DPYSL5: variants seen among roughly 807,000 people sequenced by gnomAD.
The protein encoded by DPYSL5 is dihydropyrimidinase like 5.
In DPYSL5, 9 loss-of-function variants were observed where a neutral mutation model predicts 58.4. That is an observed-to-expected ratio of 0.15 (90% CI 0.09 to 0.27). DPYSL5 has a LOEUF of 0.27. Ranked by LOEUF, DPYSL5 falls within the 10% of genes least tolerant of loss-of-function variation. The pLI, the probability that DPYSL5 is intolerant of heterozygous loss-of-function variation, is 1.00. For synonymous variants in DPYSL5, 293 were observed against 301.9 expected (o/e 0.97, Z 0.31); for missense variants, 499 against 770.6 (o/e 0.65, Z 4.17).
Position 26,944,063 on chromosome 2 carries a change from G to C in DPYSL5, c.1441-593G>C, listed in dbSNP as rs1275183099. On this transcript the variant is annotated intron_variant, in intron 11 of 12. Transcript: ENST00000288699. The surrounding 1 kb of genome is among the most constrained non-coding windows in gnomAD (Gnocchi z 4.4). ...TCCCGGAACTTTGGGAGGCCGAGGCGGGTGGATCACGAGGTCAGGAGTTCA... is the reference window on the plus strand; with the variant it reads ...TCCCGGAACTTTGGGAGGCCGAGGCCGGTGGATCACGAGGTCAGGAGTTCA... 6.6e-6 allele frequency among the ~76,000 whole-genome samples: 1 copy of C among 152,114 alleles called. No individual in the cohort carries two copies. Among genetic ancestry groups the C allele is most frequent in the East Asian group, 1.9e-4 (1 of 5,186 alleles).
chr2:26,896,949 C>T (rs1405173693), intron 1 of DPYSL5, among the ~76,000 whole-genome samples: 2 of 152,114 alleles, frequency 1.3e-5, no homozygotes, highest in Non-Finnish European at 2.9e-5. Flanking sequence ...GGATTTATGC[C>T]TATTTCACTT....
intron 5 of DPYSL5, among the ~76,000 whole-genome samples, chr2:26,930,288 A>G (rs765180632): frequency 8.7e-4 from 132 of 152,158 alleles, no homozygotes; most frequent in Non-Finnish European, 1.5e-3. Context: ...GGGAAAGAGC[A>G]AGGCTTTGGC....
rs35489206 is a variant in DPYSL5, at chr2:26,884,520, T to TCTCACACACA, written c.-4-13975_-4-13974insTCACACACAC. 5.2e-3 allele frequency among the ~76,000 whole-genome samples: 762 copies of TCTCACACACA among 145,608 alleles called. 6 individuals carry two copies. Among genetic ancestry groups the TCTCACACACA allele is most frequent in the African/African-American group, 0.013 (525 of 39,342 alleles). The stretch of plus-strand genomic sequence containing the variant: ...AACGCACAGCTAAGCTTGTCCTATC[T>TCTCACACACA]CACACACACACACACACACACACAC... On this transcript the variant is annotated intron_variant, in intron 1 of 12. Coordinates refer to ENST00000288699, the MANE Select transcript of DPYSL5 (RefSeq NM_020134.4).
chr2:26,867,443 G>GTTT (rs982589815), intron 1 of DPYSL5, among the ~76,000 whole-genome samples: 3 of 136,446 alleles, frequency 2.2e-5, no homozygotes, highest in African/African-American at 8.1e-5. Flanking sequence ...CCAATTGTTT[G>GTTT]TTTTTTTTTT....
rs538735540 is a variant in DPYSL5 at position 26,928,475 on chromosome 2, G to A, written c.669+152G>A. 3 of 824,476 alleles carry A rather than the reference G, an allele frequency of 3.6e-6. No individual in the cohort carries two copies. In the South Asian group the frequency reaches 4.9e-5, roughly 13 times the overall value. 51.1% of individuals were successfully genotyped at this position (824,476 alleles called of 1,614,324 possible). ...TTTGGGAGGCTGAGGTGGGTGGATGGCTTGAACCCAGGAATTTAAGACCAG... is the reference window on the plus strand; with the variant it reads ...TTTGGGAGGCTGAGGTGGGTGGATGACTTGAACCCAGGAATTTAAGACCAG... On this transcript the variant is annotated intron_variant, in intron 5 of 12. Coordinates refer to ENST00000288699, the MANE Select transcript of DPYSL5 (RefSeq NM_020134.4).
chr2:26,926,054 T>C (rs1356073266), intron 3 of DPYSL5, among the ~76,000 whole-genome samples: 2 of 152,078 alleles, frequency 1.3e-5, no homozygotes, highest in Non-Finnish European at 2.9e-5. Context: ...TTCTTAATCA[T>C]AAAAAGAAAA....
chr2:26,875,063 G>C, intron 1 of DPYSL5, among the ~76,000 whole-genome samples: 1 of 152,116 alleles, frequency 6.6e-6, no homozygotes, highest in Non-Finnish European at 1.5e-5. Flanking sequence ...AATTCATCCT[G>C]TTTTCTAATC....
At chr2:26,897,573 A>G (rs889704475) in intron 1 of DPYSL5, among the ~76,000 whole-genome samples, 5 of 152,160 alleles carry the variant, frequency 3.3e-5, no homozygotes, top group African/African-American at 1.2e-4. Context: ...TATTTTGTCA[A>G]GAATTTTTTA....
In DPYSL5 at chr2:26,927,035, G is replaced by A. The variant is rs910377792; in HGVS notation, c.421-218G>A. On this transcript the variant is annotated intron_variant, in intron 3 of 12. Coordinates refer to ENST00000288699, the MANE Select transcript of DPYSL5 (RefSeq NM_020134.4). This position sits in a 1 kb window ranked among gnomAD's most constrained non-coding sequence, Gnocchi z 4.3. Reference sequence around the variant, plus strand: ...AACAATGTGGCTCCTAAACTGTGTCGTGTTGACAATTTTCACAGTACTTCC... The same window carrying A: ...AACAATGTGGCTCCTAAACTGTGTCATGTTGACAATTTTCACAGTACTTCC... 2.6e-5 allele frequency among the ~76,000 whole-genome samples: 4 copies of A among 152,220 alleles called. No homozygotes were observed. The highest frequency in any genetic ancestry group is 2.4e-5 in the African/African-American group (1 of 41,468).
chr2:26,881,310 C>A (rs978460375), intron 1 of DPYSL5, among the ~76,000 whole-genome samples: 5 of 152,180 alleles, frequency 3.3e-5, no homozygotes, highest in Non-Finnish European at 5.9e-5. Context: ...GGAAGTTGGT[C>A]ATTTTCACCC....
At chr2:26,917,698 C>G (rs1164424464) in intron 2 of DPYSL5, among the ~76,000 whole-genome samples, 1 of 152,192 alleles carries the variant, frequency 6.6e-6, no homozygotes, top group African/African-American at 2.4e-5. Flanking sequence ...AAGGCCTGAT[C>G]CCCCTACATC....
chr2:26,858,582 T>C (rs1193538851), intron 1 of DPYSL5, among the ~76,000 whole-genome samples: 2 of 151,554 alleles, frequency 1.3e-5, no homozygotes, highest in Non-Finnish European at 2.9e-5. Flanking sequence ...AATTTTTTTT[T>C]TTTTTGGAGA....
In DPYSL5 at chr2:26,942,477, C is replaced by A; in HGVS notation, c.1233-66C>A. The A allele has an allele frequency of 6.5e-7, 1 of 1,531,936 alleles. No homozygotes were observed. The highest frequency in any genetic ancestry group is 8.9e-7 in the Non-Finnish European group (1 of 1,127,338). 94.9% of individuals were successfully genotyped at this position (1,531,936 alleles called of 1,614,324 possible). Reference sequence around the variant, plus strand: ...CAACCAGCCTTTGGGGCTCACCCCTCCCATGGAGCTGTGACATTTTGACCT... The same window carrying A: ...CAACCAGCCTTTGGGGCTCACCCCTACCATGGAGCTGTGACATTTTGACCT... On this transcript the variant is annotated intron_variant, in intron 10 of 12. Coordinates refer to ENST00000288699, the MANE Select transcript of DPYSL5 (RefSeq NM_020134.4). This position sits in a 1 kb window ranked among gnomAD's most constrained non-coding sequence, Gnocchi z 5.9.
chr2:26,934,796 G>T lies in DPYSL5; in HGVS notation c.947+62G>T, dbSNP rs997352452. The T allele has an allele frequency of 3.0e-5, 48 of 1,581,276 alleles. No homozygotes were observed. The Admixed American group carries it at 8.4e-4, about 28-fold the overall frequency. ...CATCTTTAGGAAGACGTCATAGAGGGCCCAGGAAACAAATCTGAGCTAGGT... is the reference window on the plus strand; with the variant it reads ...CATCTTTAGGAAGACGTCATAGAGGTCCCAGGAAACAAATCTGAGCTAGGT... On this transcript the variant is annotated intron_variant, in intron 8 of 12. Coordinates refer to ENST00000288699, the MANE Select transcript of DPYSL5 (RefSeq NM_020134.4). This position sits in a 1 kb window ranked among gnomAD's most constrained non-coding sequence, Gnocchi z 4.3.
rs1360839051 is a variant in DPYSL5 at position 26,949,319 on chromosome 2, C to T, written c.*2324C>T. 1 of 152,356 alleles carries T rather than the reference C, an allele frequency of 6.6e-6. No individual in the cohort carries two copies. Among genetic ancestry groups the T allele is most frequent in the Non-Finnish European group, 1.5e-5 (1 of 68,128 alleles). The allele number at this position is 152,356 out of a possible 1,614,324, so 9.4% of individuals were successfully genotyped here. Reference sequence around the variant, plus strand: ...CCACACCCTCACTTCTCCCTTCACTCCCCCTTTCCTCACTCAGGGGCTGAG... The same window carrying T: ...CCACACCCTCACTTCTCCCTTCACTTCCCCTTTCCTCACTCAGGGGCTGAG... On this transcript the variant is annotated 3_prime_UTR_variant, in exon 13 of 13. Coordinates refer to ENST00000288699, the MANE Select transcript of DPYSL5 (RefSeq NM_020134.4).
intron 1 of DPYSL5, among the ~76,000 whole-genome samples, chr2:26,879,056 A>G (rs1463185681): frequency 6.6e-6 from 1 of 152,174 alleles, no homozygotes; most frequent in African/African-American, 2.4e-5. Flanking sequence ...TGTGAGCTCC[A>G]TGAGAGTTGG....
intron 8 of DPYSL5, chr2:26,938,677 T>G (rs752851969): frequency 2.0e-5 from 3 of 152,258 alleles, no homozygotes; most frequent in Non-Finnish European, 4.4e-5. Context: ...AGAATATGCT[T>G]CCTCACCAGG....
intron 2 of DPYSL5, among the ~76,000 whole-genome samples, chr2:26,899,517 T>A (rs1664101289): frequency 6.6e-6 from 1 of 152,194 alleles, no homozygotes. Flanking sequence ...GTGAGCTCCT[T>A]GAGAGCAAGG....
chr2:26,890,621 G>A (rs1217095649), intron 1 of DPYSL5, among the ~76,000 whole-genome samples: 1 of 152,230 alleles, frequency 6.6e-6, no homozygotes, highest in Non-Finnish European at 1.5e-5. Flanking sequence ...CTGGGGTCCA[G>A]CTCACCCCTC....
Sources: allele counts gnomAD v4.1 joint callset (sites outside exome capture counted in the v4.1 genomes callset), GRCh38; gene constraint gnomAD v4.1.1; non-coding constraint Gnocchi (gnomAD v3.1); transcripts MANE v1.5; gene names NCBI Gene and HGNC (gene_info 2026-07-23, HGNC 2026-07-21).